SLC1A6: variants seen among roughly 807,000 people sequenced by gnomAD.
SLC1A6 encodes excitatory amino acid transporter 4.
Under a neutral mutation model 42.1 loss-of-function variants are expected in SLC1A6, and 15 were observed. The ratio of observed to expected loss-of-function variants is 0.36; its 90% confidence interval spans 0.24 to 0.55. The LOEUF (loss-of-function observed/expected upper bound fraction) is 0.55, where lower values mean the gene tolerates loss of function less well. Among genes scored for constraint, SLC1A6 ranks in the 20% least tolerant of loss-of-function variants. SLC1A6 has a pLI of 0.88. For missense variants in SLC1A6, 542 were observed against 772.5 expected, an observed-to-expected ratio of 0.70 and a Z score of 3.54; for synonymous variants, 317 against 319.7, an observed-to-expected ratio of 0.99 and a Z score of 0.09.
At chr19:14,958,410 CA>C (rs5827266) in intron 6 of SLC1A6, among the ~76,000 whole-genome samples, 27,422 of 136,780 alleles carry the variant, frequency 0.2, 2,751 homozygotes, top group African/African-American at 0.3. Context: ...GACTGCATCT[CA>C]AAAAAAAAAA....
upstream of SLC1A6, among the ~76,000 whole-genome samples, chr19:14,981,003 C>T (rs145913216): frequency 6.6e-6 from 1 of 152,148 alleles, no homozygotes; most frequent in Admixed American, 6.5e-5. Context: ...TTTAAAAATT[C>T]TGAAGCCAGC....
At chr19:14,981,043 A>G (rs2045764384), upstream of SLC1A6, among the ~76,000 whole-genome samples, 1 of 152,128 alleles carries the variant, frequency 6.6e-6, no homozygotes, top group Non-Finnish European at 1.5e-5. Flanking sequence ...ATGTAATCCC[A>G]GCACATTGGG....
At chr19:14,968,761 C>T (rs2045603572) in intron 3 of SLC1A6, among the ~76,000 whole-genome samples, 1 of 152,094 alleles carries the variant, frequency 6.6e-6, no homozygotes, top group Non-Finnish European at 1.5e-5. Flanking sequence ...TATCCTACTG[C>T]CTTCCCTCTA....
In SLC1A6 at chr19:14,968,272, G is replaced by A. The variant is rs775100379; in HGVS notation, c.548+31C>T. On this transcript the variant is annotated intron_variant, in intron 4 of 9. Coordinates refer to ENST00000594383, the MANE Select transcript of SLC1A6 (RefSeq NM_005071.3). ...ATAAATAAAGTCTCCTTTTTCAAAT[G>A]TGTATATTGTGGTTTTTTAGGTTGG... The A allele has an allele frequency of 4.0e-6, 6 of 1,502,906 alleles. No individual in the cohort carries two copies. The African/African-American group carries it at 5.5e-5, about 14-fold the overall frequency. 93.1% of individuals were successfully genotyped at this position (1,502,906 alleles called of 1,614,324 possible).
At chr19:15,009,934 C>T (rs2045916463) in intron 1 of SLC1A6, among the ~76,000 whole-genome samples, 1 of 151,836 alleles carries the variant, frequency 6.6e-6, no homozygotes, top group Non-Finnish European at 1.5e-5. Flanking sequence ...AATGCCAGCA[C>T]TTTGGGAGGC....
At chr19:14,993,300 T>C (rs1293674097) in intron 1 of SLC1A6, among the ~76,000 whole-genome samples, 2 of 151,772 alleles carry the variant, frequency 1.3e-5, no homozygotes, top group Non-Finnish European at 2.9e-5. Context: ...CAATGGTGAG[T>C]GACTGCTGAT....
In SLC1A6 at chr19:14,958,624, C is replaced by A. The variant is rs567675659; in HGVS notation, c.936-1915G>T. Reference sequence around the variant, plus strand: ...CTTCTCCAAGTCAACATGACTAGATCCACCTCTATGCTTACTCTGAGTAAT... The same window carrying A: ...CTTCTCCAAGTCAACATGACTAGATACACCTCTATGCTTACTCTGAGTAAT... On this transcript the variant is annotated intron_variant, in intron 6 of 9. Coordinates refer to ENST00000594383, the MANE Select transcript of SLC1A6 (RefSeq NM_005071.3). Among the ~76,000 whole-genome samples the A allele has an allele frequency of 1.1e-4, 17 of 152,130 alleles. No individual in the cohort carries two copies. The South Asian group carries it at 3.5e-3, about 32-fold the overall frequency.
chr19:14,950,221 G>A lies in SLC1A6; in HGVS notation c.1669C>T (p.Arg557Trp), dbSNP rs370044376. 8.8e-6 allele frequency: 14 copies of A among 1,586,034 alleles called. No homozygotes were observed. Among genetic ancestry groups the A allele is most frequent in the South Asian group, 2.3e-5 (2 of 88,058 alleles). ...CACATAGCACTCTCGTTGCCTCCCC[G>A]TCCCCGGGATGCCCCCTTCTCCTGT... ...MAQEKGASRG[R>W]GGNESAM The change falls in exon 10 of 10, where the codon CGG becomes TGG. Residue 557 changes from arginine to tryptophan, a missense_variant. Transcript: ENST00000594383.
rs917470058 is a variant in SLC1A6, at chr19:14,979,075, C to T, written c.-8+234G>A. On this transcript the variant is annotated intron_variant, in intron 1 of 9. Transcript: ENST00000594383. The surrounding 1 kb of genome is among the most constrained non-coding windows in gnomAD (Gnocchi z 4.2). ...TCACACACACACACACACACACACA[C>T]ACACACACACACACACACACACTAA... Among the ~76,000 whole-genome samples, 1 of 151,294 alleles carries T rather than the reference C, an allele frequency of 6.6e-6. No homozygotes were observed. The highest frequency in any genetic ancestry group is 2.0e-4 in the East Asian group (1 of 5,104).
At chr19:15,008,224 A>G (rs918301675) in intron 1 of SLC1A6, among the ~76,000 whole-genome samples, 4 of 152,012 alleles carry the variant, frequency 2.6e-5, no homozygotes, top group Non-Finnish European at 5.9e-5. Flanking sequence ...GTGCGCCTAT[A>G]GTCCTCGCTT....
At chr19:14,987,007 G>A (rs1432992379) in intron 1 of SLC1A6, among the ~76,000 whole-genome samples, 3 of 152,132 alleles carry the variant, frequency 2.0e-5, no homozygotes, top group African/African-American at 4.8e-5. Context: ...TGCTCCATGA[G>A]TGCATAGACT....
chr19:14,982,058 TA>T (rs144179383), upstream of SLC1A6, among the ~76,000 whole-genome samples: 26,106 of 139,312 alleles, frequency 0.19, 3,043 homozygotes, highest in African/African-American at 0.35. Flanking sequence ...ACCCTGTCTC[TA>T]AAAAAAAAAA....
intron 6 of SLC1A6, among the ~76,000 whole-genome samples, chr19:14,958,282 A>C (rs1009469564): frequency 2.6e-5 from 4 of 151,918 alleles, no homozygotes; most frequent in Admixed American, 2.6e-4. Context: ...GTGGTAGTGC[A>C]CACCTGTAGT....
intron 6 of SLC1A6, among the ~76,000 whole-genome samples, chr19:14,958,398 C>T (rs2045481185): frequency 6.7e-6 from 1 of 149,058 alleles, no homozygotes; most frequent in African/African-American, 2.5e-5. Context: ...GCGACAGAGC[C>T]AGACTGCATC....
chr19:14,974,769 A>G (rs988232272), intron 1 of SLC1A6: 3 of 151,964 alleles, frequency 2.0e-5, no homozygotes, highest in African/African-American at 7.2e-5. Context: ...AATTCCCCTC[A>G]ATTTTAAAAA....
intron 9 of SLC1A6, among the ~76,000 whole-genome samples, chr19:14,952,291 C>T (rs2045420821): frequency 6.8e-6 from 1 of 146,830 alleles, no homozygotes; most frequent in African/African-American, 2.5e-5. Context: ...AAAAAAATAA[C>T]AAATCCCAGC....
chr19:14,981,558 C>G (rs1421960161), upstream of SLC1A6, among the ~76,000 whole-genome samples: 1 of 152,196 alleles, frequency 6.6e-6, no homozygotes, highest in Non-Finnish European at 1.5e-5. Flanking sequence ...AGAGCTGCCC[C>G]TGAACTCCTG....
At position 14,962,007 on chromosome 19, in the gene SLC1A6, A is replaced by G. The variant is rs567143343; in HGVS notation, c.930T>C (p.Ile310=). 2 of 1,612,794 alleles carry G rather than the reference A, an allele frequency of 1.2e-6. No individual in the cohort carries two copies. The highest frequency in any genetic ancestry group is 2.2e-5 in the South Asian group (2 of 90,978). ...NEAIMRLVGI[I]IWYAPVGILF... ...GGGCACAGACCAGGACTCACCAGAT[A>G]ATGATGCCCACCAGCCTCATAATAG... is the stretch of plus-strand genomic sequence containing the variant. Residue 310 remains isoleucine, a synonymous_variant, in exon 6 of 10, where the codon ATT becomes ATC. Coordinates refer to ENST00000594383, the MANE Select transcript of SLC1A6 (RefSeq NM_005071.3).
chr19:14,978,415 C>T (rs1287896244), intron 1 of SLC1A6: 1 of 152,398 alleles, frequency 6.6e-6, no homozygotes, highest in Non-Finnish European at 1.5e-5. Flanking sequence ...CTCAGACACA[C>T]ACACGCACAC....
Sources: allele counts gnomAD v4.1 joint callset (sites outside exome capture counted in the v4.1 genomes callset), GRCh38; gene constraint gnomAD v4.1.1; non-coding constraint Gnocchi (gnomAD v3.1); transcripts MANE v1.5; gene names NCBI Gene and HGNC (gene_info 2026-07-23, HGNC 2026-07-21).